CEP44: variants seen among roughly 807,000 people sequenced by gnomAD.
CEP44 encodes the protein centrosomal protein of 44 kDa.
Under a neutral mutation model 46.7 loss-of-function variants are expected in CEP44, and 45 were observed. The ratio of observed to expected loss-of-function variants is 0.96; its 90% CI spans 0.76 to 1.24. CEP44 has a LOEUF of 1.24. Among genes scored for constraint, CEP44 ranks in the 50% most tolerant of loss-of-function variants. CEP44 has a pLI of 0.00. For missense variants in CEP44, 475 were observed against 459.7 expected (o/e 1.03, Z -0.30); for synonymous variants, 142 against 146.0 (o/e 0.97, Z 0.20).
Position 174,320,216 on chromosome 4 carries a change from A to G in CEP44, c.*2833A>G. ...TCAACTGTATGAAAATTCTAGGTAAAGCTAAGTACTATTGAGTTGGAAAAA... is the reference window on the plus strand; with the variant it reads ...TCAACTGTATGAAAATTCTAGGTAAGGCTAAGTACTATTGAGTTGGAAAAA... On this transcript the variant is annotated 3_prime_UTR_variant, in exon 12 of 12. Coordinates refer to ENST00000503780, the MANE Select transcript of CEP44 (RefSeq NM_001040157.3). 1 of 985,252 alleles carries G rather than the reference A, an allele frequency of 1.0e-6. No homozygotes were observed. The highest frequency in any genetic ancestry group is 1.2e-6 in the Non-Finnish European group (1 of 829,838). The allele number at this position is 985,252 out of a possible 1,614,324, so 61.0% of individuals were successfully genotyped here.
At position 174,301,453 on chromosome 4, in the gene CEP44, A is replaced by G. The variant is rs529662616; in HGVS notation, c.90-586A>G. ...GAATGATTTGTAAAAAATAAATAATAATTGGATAAGCAAAGAAGAGTGGGA... is the reference window on the plus strand; with the variant it reads ...GAATGATTTGTAAAAAATAAATAATGATTGGATAAGCAAAGAAGAGTGGGA... On this transcript the variant is annotated intron_variant, in intron 3 of 11. Transcript: ENST00000503780. The surrounding 1 kb of genome is among the most constrained non-coding windows in gnomAD (Gnocchi z 4.3). 6.6e-5 allele frequency among the ~76,000 whole-genome samples: 10 copies of G among 152,162 alleles called. No homozygotes were observed. Among genetic ancestry groups the G allele is most frequent in the Non-Finnish European group, 1.2e-4 (8 of 68,012 alleles).
intron 1 of CEP44, among the ~76,000 whole-genome samples, chr4:174,291,690 A>C (rs1242807981): frequency 6.8e-6 from 1 of 146,408 alleles, no homozygotes; most frequent in East Asian, 2.0e-4. Flanking sequence ...TCCTGTTAGC[A>C]TTTCTTGTTA....
chr4:174,318,658 TA>T lies in CEP44; in HGVS notation c.*1276del. On this transcript the variant is annotated 3_prime_UTR_variant, in exon 12 of 12. Transcript: ENST00000503780. Reference sequence around the variant, plus strand: ...TCTGATTATATTTTATTTATTCATCTATTTATGGTATGTATGTATAATTCTA... The same window carrying T: ...TCTGATTATATTTTATTTATTCATCTTTTATGGTATGTATGTATAATTCTA... 1.8e-6 allele frequency: 1 copy of T among 571,102 alleles called. No homozygotes were observed. The highest frequency in any genetic ancestry group is 2.2e-6 in the Non-Finnish European group (1 of 452,632). The allele number at this position is 571,102 out of a possible 1,614,324, so 35.4% of individuals were successfully genotyped here. A position where few individuals can be genotyped will look rare whatever the true frequency, so the allele number is the denominator to read the frequency against.
chr4:174,294,853 G>T (rs1738722112), intron 1 of CEP44, among the ~76,000 whole-genome samples: 1 of 136,508 alleles, frequency 7.3e-6, no homozygotes, highest in South Asian at 2.4e-4. Flanking sequence ...CGGGCGGGGG[G>T]CTGATCCCCC....
chr4:174,291,782 C>CTTTTTTTT lies in CEP44; in HGVS notation c.-147-6180_-147-6179insTTTTTTTT, dbSNP rs1208425482. 3.6e-3 allele frequency among the ~76,000 whole-genome samples: 294 copies of CTTTTTTTT among 81,540 alleles called. 6 individuals carry two copies. The highest frequency in any genetic ancestry group is 8.7e-3 in the South Asian group (20 of 2,304). 53.5% of individuals were successfully genotyped at this position (81,540 alleles called of 152,430 possible). ...GTTTTCTTTATTCTTTTATCTTTTT[C>CTTTTTTTT]TTTTCTTTTTTTTTTTTTTTTTTTT... is the stretch of plus-strand genomic sequence containing the variant. On this transcript the variant is annotated intron_variant, in intron 1 of 11. Transcript: ENST00000503780.
chr4:174,309,701 G>C lies in CEP44; in HGVS notation c.679-149G>C. 1 of 571,632 alleles carries C rather than the reference G, an allele frequency of 1.7e-6. No homozygotes were observed. Among genetic ancestry groups the C allele is most frequent in the Non-Finnish European group, 3.1e-6 (1 of 325,876 alleles). The allele number at this position is 571,632 out of a possible 1,614,324, so 35.4% of individuals were successfully genotyped here. A position where few individuals can be genotyped will look rare whatever the true frequency, so the allele number is the denominator to read the frequency against. On this transcript the variant is annotated intron_variant, in intron 7 of 11. Transcript: ENST00000503780. The surrounding 1 kb of genome is among the most constrained non-coding windows in gnomAD (Gnocchi z 5.3). ...TCTCAGAACTGGTTTAAGTGGCCAA[G>C]TAGTCTCCATCCAGAGATAGCTCTC...
downstream of CEP44, among the ~76,000 whole-genome samples, chr4:174,323,995 A>C (rs1001914): frequency 2.2e-3 from 330 of 152,276 alleles, 3 homozygotes; most frequent in African/African-American, 7.4e-3. Context: ...GTAGGTTTTA[A>C]AATCAACTAG....
At chr4:174,306,717 C>T (rs1221409027) in intron 6 of CEP44, among the ~76,000 whole-genome samples, 1 of 151,940 alleles carries the variant, frequency 6.6e-6, no homozygotes, top group East Asian at 1.9e-4. Context: ...GTAGGAGGAT[C>T]TTCTCAGCCC....
In CEP44 at chr4:174,304,241, T is replaced by A. The variant is rs1740108243; in HGVS notation, c.385-6T>A. 3 of 1,577,278 alleles carry A rather than the reference T, an allele frequency of 1.9e-6. No homozygotes were observed. Among genetic ancestry groups the A allele is most frequent in the Non-Finnish European group, 2.6e-6 (3 of 1,170,512 alleles). Reference sequence around the variant, plus strand: ...TTGTTATTTTGACTAATACCTTTTTTTTTAGATTCCATCACAACAAAGAAA... The same window carrying A: ...TTGTTATTTTGACTAATACCTTTTTATTTAGATTCCATCACAACAAAGAAA... On this transcript the variant is annotated splice_region_variant and splice_polypyrimidine_tract_variant and intron_variant, in intron 5 of 11. Coordinates refer to ENST00000503780, the MANE Select transcript of CEP44 (RefSeq NM_001040157.3).
chr4:174,286,224 C>T lies in CEP44; in HGVS notation c.-148+2281C>T, dbSNP rs1737569149. Among the ~76,000 whole-genome samples the T allele has an allele frequency of 6.6e-6, 1 of 152,042 alleles. No homozygotes were observed. Among genetic ancestry groups the T allele is most frequent in the African/African-American group, 2.4e-5 (1 of 41,384 alleles). On this transcript the variant is annotated intron_variant, in intron 1 of 11. Coordinates refer to ENST00000503780, the MANE Select transcript of CEP44 (RefSeq NM_001040157.3). This position sits in a 1 kb window ranked among gnomAD's most constrained non-coding sequence, Gnocchi z 5.2. ...GGGAAATGGCTGTGGAAATGAGTGG[C>T]GAGGGGCTTAAAGTAGGAAGCTTAC...
rs1739679722 is a variant in CEP44, at chr4:174,301,314, A to G, written c.90-725A>G. Among the ~76,000 whole-genome samples the G allele has an allele frequency of 6.6e-6, 1 of 152,204 alleles. No individual in the cohort carries two copies. The highest frequency in any genetic ancestry group is 2.4e-5 in the African/African-American group (1 of 41,460). Reference sequence around the variant, plus strand: ...ACATTGAGAAAATAAGACAGGAAACACTACCAGACAGATAAAGACACAGCA... The same window carrying G: ...ACATTGAGAAAATAAGACAGGAAACGCTACCAGACAGATAAAGACACAGCA... On this transcript the variant is annotated intron_variant, in intron 3 of 11. Transcript: ENST00000503780. The surrounding 1 kb of genome is among the most constrained non-coding windows in gnomAD (Gnocchi z 4.3).
Position 174,329,715 on chromosome 4 carries a change from C to G in CEP44, c.1087-1767C>G, listed in dbSNP as rs1731213816. 2.0e-5 allele frequency among the ~76,000 whole-genome samples: 3 copies of G among 151,754 alleles called. No individual in the cohort carries two copies. In the South Asian group the frequency reaches 6.2e-4, roughly 32 times the overall value. ...AGGATAAGACTGTTTGGATTATGTT[C>G]TTCTCTAATTTAGTTAAAAAAATAT... On this transcript the variant is annotated intron_variant, in intron 8 of 8. Coordinates refer to the CEP44 transcript ENST00000426172. The surrounding 1 kb of genome is among the most constrained non-coding windows in gnomAD (Gnocchi z 4.0).
At chr4:174,315,841 A>G (rs1250566932) in intron 9 of CEP44, among the ~76,000 whole-genome samples, 1 of 34,888 alleles carries the variant, frequency 2.9e-5, no homozygotes. Flanking sequence ...ACTCCGTCTC[A>G]AAAAAAAAAA....
At position 174,319,595 on chromosome 4, in the gene CEP44, G is replaced by C. The variant is rs1038691769; in HGVS notation, c.*2212G>C. The C allele has an allele frequency of 1.4e-6, 1 of 715,980 alleles. No individual in the cohort carries two copies. The highest frequency in any genetic ancestry group is 1.9e-5 in the African/African-American group (1 of 51,986). The allele number at this position is 715,980 out of a possible 1,614,324, so 44.4% of individuals were successfully genotyped here. A position where few individuals can be genotyped will look rare whatever the true frequency, so the allele number is the denominator to read the frequency against. On this transcript the variant is annotated 3_prime_UTR_variant, in exon 12 of 12. Coordinates refer to ENST00000503780, the MANE Select transcript of CEP44 (RefSeq NM_001040157.3). ...GACTTAAAACATTTCTAATCTCCTA[G>C]TTTATATACAGTGTGCAAAATATAA...
intron 6 of CEP44, among the ~76,000 whole-genome samples, chr4:174,305,970 C>A (rs781408848): frequency 1.3e-5 from 2 of 152,066 alleles, no homozygotes; most frequent in Non-Finnish European, 2.9e-5. Flanking sequence ...AAAATTTATA[C>A]CAGATCTTTA....
At chr4:174,327,199 AG>A (rs1742727542) in intron 8 of CEP44, among the ~76,000 whole-genome samples, 1 of 150,432 alleles carries the variant, frequency 6.6e-6, no homozygotes, top group Admixed American at 6.7e-5. Context: ...AGAGAGAGAG[AG>A]AGAGAGAAAA....
rs1199368846 is a variant in CEP44, at chr4:174,319,531, T to C, written c.*2148T>C. The C allele has an allele frequency of 1.8e-5, 16 of 865,784 alleles. No homozygotes were observed. Among genetic ancestry groups the C allele is most frequent in the Non-Finnish European group, 1.9e-5 (14 of 721,210 alleles). The allele number at this position is 865,784 out of a possible 1,614,324, so 53.6% of individuals were successfully genotyped here. A position where few individuals can be genotyped will look rare whatever the true frequency, so the allele number is the denominator to read the frequency against. On this transcript the variant is annotated 3_prime_UTR_variant, in exon 12 of 12. Coordinates refer to ENST00000503780, the MANE Select transcript of CEP44 (RefSeq NM_001040157.3). ...AGTTAAGTCTCTTTCTACCCTTTCTTTTTTTCTTTATATAGTGCAGATATA... is the reference window on the plus strand; with the variant it reads ...AGTTAAGTCTCTTTCTACCCTTTCTCTTTTTCTTTATATAGTGCAGATATA...
At chr4:174,294,079 T>G (rs1579076370) in intron 1 of CEP44, among the ~76,000 whole-genome samples, 1 of 149,900 alleles carries the variant, frequency 6.7e-6, no homozygotes. Flanking sequence ...CATTCTTGGG[T>G]GTTTCTCACA....
At position 174,296,091 on chromosome 4, in the gene CEP44, T is replaced by C. The variant is rs561502043; in HGVS notation, c.-147-1875T>C. Among the ~76,000 whole-genome samples, 11 of 152,360 alleles carry C rather than the reference T, an allele frequency of 7.2e-5. No homozygotes were observed. In the South Asian group the frequency reaches 2.3e-3, roughly 32 times the overall value. On this transcript the variant is annotated intron_variant, in intron 1 of 11. Transcript: ENST00000503780. ...TTAGTATAGAATTCAAGATTATAAG[T>C]AATTCCTCTCAGGATTTTGAAGATA...
Sources: allele counts gnomAD v4.1 joint callset (sites outside exome capture counted in the v4.1 genomes callset), GRCh38; gene constraint gnomAD v4.1.1; non-coding constraint Gnocchi (gnomAD v3.1); transcripts MANE v1.5; gene names NCBI Gene and HGNC (gene_info 2026-07-23, HGNC 2026-07-21).